BABAM2: variants seen among roughly 807,000 people sequenced by gnomAD.
The protein encoded by BABAM2 is BRISC and BRCA1 A complex member 2, also known as BRISC and BRCA1-A complex member 2.
Under a neutral mutation model 54.7 loss-of-function variants are expected in BABAM2, and 31 were observed. The observed-to-expected ratio is 0.57, with a 90% confidence interval of 0.43 to 0.77. BABAM2 has a LOEUF of 0.77. BABAM2 is among the 30% of genes least tolerant of loss of function. The probability of loss-of-function intolerance (pLI) is 0.00; values close to 1 mark genes in which losing one functional copy is unlikely to be tolerated. For synonymous variants in BABAM2, 167 were observed against 162.9 expected, an observed-to-expected ratio of 1.03 and a Z score of -0.19; for missense variants, 364 against 455.8, an observed-to-expected ratio of 0.80 and a Z score of 1.83.
chr2:28,110,811 T>C (rs1202403178), intron 6 of BABAM2, among the ~76,000 whole-genome samples: 1 of 152,064 alleles, frequency 6.6e-6, no homozygotes, highest in Non-Finnish European at 1.5e-5. Flanking sequence ...GATCCCATTT[T>C]ACACTACCCC....
At chr2:27,943,705 T>A (rs2148389686) in intron 3 of BABAM2, among the ~76,000 whole-genome samples, 1 of 152,322 alleles carries the variant, frequency 6.6e-6, no homozygotes, top group East Asian at 1.9e-4. Context: ...GTATTTTGCA[T>A]CATGCTGAGA....
At chr2:28,276,764 C>T (rs963960454) in intron 10 of BABAM2, among the ~76,000 whole-genome samples, 2 of 152,216 alleles carry the variant, frequency 1.3e-5, no homozygotes, top group African/African-American at 4.8e-5. Context: ...TTCTAGTTTT[C>T]ATAAGCTGGC....
intron 4 of BABAM2, among the ~76,000 whole-genome samples, chr2:28,021,879 A>G (rs779640149): frequency 6.6e-5 from 10 of 152,086 alleles, no homozygotes; most frequent in African/African-American, 9.7e-5. Context: ...ACAGACATGG[A>G]CAGACTACAT....
intron 10 of BABAM2, among the ~76,000 whole-genome samples, chr2:28,258,136 C>T (rs955266022): frequency 6.6e-6 from 1 of 152,062 alleles, no homozygotes; most frequent in Non-Finnish European, 1.5e-5. Flanking sequence ...GAGATCGCAC[C>T]ACTGCACTCC....
At chr2:28,259,074 CTTTTTTTTTTT>C (rs70956009) in intron 10 of BABAM2, among the ~76,000 whole-genome samples, 34 of 23,434 alleles carry the variant, frequency 1.5e-3, no homozygotes, top group East Asian at 3.8e-3. Context: ...TGCACCTGGC[CTTTTTTTTTTT>C]TTTTTTTTTT....
At chr2:27,908,206 T>G (rs1666322143) in intron 2 of BABAM2, among the ~76,000 whole-genome samples, 3 of 152,182 alleles carry the variant, frequency 2.0e-5, no homozygotes, top group African/African-American at 4.8e-5. Flanking sequence ...GGGGTAGAAT[T>G]GAACCTGTCA....
At chr2:28,105,058 A>G in intron 6 of BABAM2, among the ~76,000 whole-genome samples, 1 of 149,460 alleles carries the variant, frequency 6.7e-6, no homozygotes, top group Non-Finnish European at 1.5e-5. Context: ...GGGATGGGGG[A>G]GGGATAGCAT....
At chr2:28,319,830 A>G (rs1050419380) in intron 11 of BABAM2, among the ~76,000 whole-genome samples, 5 of 152,126 alleles carry the variant, frequency 3.3e-5, no homozygotes, top group African/African-American at 1.2e-4. Flanking sequence ...GTTCAACCTC[A>G]AAGGCAATAC....
At chr2:28,270,995 T>C (rs1685378614) in intron 10 of BABAM2, among the ~76,000 whole-genome samples, 1 of 152,186 alleles carries the variant, frequency 6.6e-6, no homozygotes, top group Non-Finnish European at 1.5e-5. Context: ...CTACATGAGA[T>C]GCAGGCACAC....
At chr2:27,979,028 T>A (rs1201993519) in intron 3 of BABAM2, among the ~76,000 whole-genome samples, 1 of 9,784 alleles carries the variant, frequency 1.0e-4, no homozygotes, top group Non-Finnish European at 1.9e-4. Flanking sequence ...CATTTTCTTT[T>A]TTTCTTTTTT....
intron 3 of BABAM2, among the ~76,000 whole-genome samples, chr2:27,979,627 T>C (rs1002316481): frequency 6.6e-6 from 1 of 152,128 alleles, no homozygotes; most frequent in African/African-American, 2.4e-5. Flanking sequence ...CAGCATTTTG[T>C]TATTTTTTGA....
At chr2:28,020,244 A>G (rs1311175666) in intron 4 of BABAM2, among the ~76,000 whole-genome samples, 4 of 152,344 alleles carry the variant, frequency 2.6e-5, no homozygotes, top group South Asian at 4.1e-4. Context: ...TGTATAAATG[A>G]CAAATGGAAT....
At chr2:28,280,821 C>T (rs1280937519) in intron 10 of BABAM2, among the ~76,000 whole-genome samples, 1 of 151,926 alleles carries the variant, frequency 6.6e-6, no homozygotes, top group Non-Finnish European at 1.5e-5. Context: ...GCCATTTGGC[C>T]TCCAGAAACA....
chr2:28,231,806 T>TGAGAGAGATGTC (rs1681419552), intron 7 of BABAM2, among the ~76,000 whole-genome samples: 4 of 85,486 alleles, frequency 4.7e-5, no homozygotes, highest in African/African-American at 2.0e-4. Context: ...TTTTTTTTTT[T>TGAGAGAGATGTC]TTTTTTTTTT....
intron 4 of BABAM2, chr2:28,015,716 CTT>C: frequency 9.9e-7 from 1 of 1,006,196 alleles, no homozygotes; most frequent in Non-Finnish European, 1.3e-6. Flanking sequence ...ATTGTGCTTT[CTT>C]TATAAGGGAA....
intron 10 of BABAM2, among the ~76,000 whole-genome samples, chr2:28,247,338 C>A (rs931449597): frequency 6.6e-6 from 1 of 152,196 alleles, no homozygotes; most frequent in African/African-American, 2.4e-5. Context: ...CACCCATTTC[C>A]TTTTTTCTTA....
intron 3 of BABAM2, among the ~76,000 whole-genome samples, chr2:27,980,159 A>G (rs1671897143): frequency 6.6e-6 from 1 of 152,118 alleles, no homozygotes; most frequent in Non-Finnish European, 1.5e-5. Flanking sequence ...AGGTGGTTGT[A>G]ACACTTCTTC....
At position 27,917,933 on chromosome 2, in the gene BABAM2, G is replaced by A. The variant is rs909864284; in HGVS notation, c.129-11899G>A. Among the ~76,000 whole-genome samples the A allele has an allele frequency of 7.9e-5, 12 of 152,160 alleles. No individual in the cohort carries two copies. The South Asian group carries it at 1.2e-3, about 16-fold the overall frequency. Reference sequence around the variant, plus strand: ...TACTAATGGAAGAAATGCTTTTGTCGTAAATTAAGTGTCCAGAAATGTGAG... The same window carrying A: ...TACTAATGGAAGAAATGCTTTTGTCATAAATTAAGTGTCCAGAAATGTGAG... On this transcript the variant is annotated intron_variant, in intron 2 of 11. Transcript: ENST00000379624.
chr2:28,198,514 C>A (rs11891642), intron 7 of BABAM2, among the ~76,000 whole-genome samples: 1 of 151,910 alleles, frequency 6.6e-6, no homozygotes, highest in Non-Finnish European at 1.5e-5. Flanking sequence ...ATGATCAGAA[C>A]GGCCTGAAAA....
Sources: gnomAD v4.1 joint callset for allele counts (sites outside exome capture counted in the v4.1 genomes callset) on GRCh38, gnomAD v4.1.1 for gene constraint, MANE v1.5 for transcripts, NCBI Gene and HGNC (gene_info 2026-07-23, HGNC 2026-07-21) for gene names.